The following OTULIN variants were observed in gnomAD, a reference collection of about 807,000 sequenced individuals.
OTULIN encodes OTU deubiquitinase with linear linkage specificity.
A neutral mutation model predicts 39.6 loss-of-function variants in OTULIN; 15 were observed. That is an observed-to-expected ratio of 0.38 (90% CI 0.25 to 0.58). OTULIN has a LOEUF of 0.58. Ranked by LOEUF, OTULIN falls within the 20% of genes least tolerant of loss-of-function variation. The pLI, the probability that OTULIN is intolerant of heterozygous loss-of-function variation, is 0.66. For synonymous variants in OTULIN, 156 were observed against 170.3 expected (o/e 0.92, Z 0.65); for missense variants, 319 against 445.9 (o/e 0.72, Z 2.56).
chr5:14,681,233 C>CT (rs35733488), intron 3 of OTULIN, among the ~76,000 whole-genome samples: 10,373 of 142,656 alleles, frequency 0.073, 389 homozygotes, highest in Admixed American at 0.097. Flanking sequence ...TTTTTCTTGC[C>CT]TTTTTTTTTT....
the OTULIN span, among the ~76,000 whole-genome samples, chr5:14,714,119 G>A: frequency 6.6e-6 from 1 of 152,260 alleles, no homozygotes; most frequent in Non-Finnish European, 1.5e-5. Flanking sequence ...TGGGGACCAA[G>A]CAGTGGGGTA....
rs1579981820 is a variant in OTULIN at position 14,696,101 on chromosome 5, C to T, written c.*3053C>T. The T allele has an allele frequency of 6.6e-6, 1 of 151,060 alleles. No homozygotes were observed. The highest frequency in any genetic ancestry group is 2.1e-4 in the South Asian group (1 of 4,800). 9.4% of individuals were successfully genotyped at this position (151,060 alleles called of 1,614,324 possible). A position where few individuals can be genotyped will look rare whatever the true frequency, so the allele number is the denominator to read the frequency against. The stretch of plus-strand genomic sequence containing the variant: ...AAAAGCCTTTGTGAGTTTTTATGTA[C>T]TTGGTCTTTGTTTTTGTTATTCATC... On this transcript the variant is annotated 3_prime_UTR_variant, in exon 7 of 7. Coordinates refer to ENST00000284274, the MANE Select transcript of OTULIN (RefSeq NM_138348.6).
the OTULIN span, chr5:14,713,676 A>C: frequency 1.9e-6 from 3 of 1,613,616 alleles, no homozygotes; most frequent in Non-Finnish European, 2.5e-6. The surrounding 1 kb of genome is among the most constrained non-coding windows in gnomAD (Gnocchi z 4.4). Flanking sequence ...GACTGTTGGG[A>C]GGAGCAAAGG....
chr5:14,707,289 G>A, the OTULIN span: 3 of 71,774 alleles, frequency 4.2e-5, no homozygotes, highest in African/African-American at 6.8e-5. Context: ...ACTTCAGTTT[G>A]AAGGGGGAAA....
At chr5:14,665,693 C>A (rs979705118) in intron 1 of OTULIN, among the ~76,000 whole-genome samples, 1 of 151,976 alleles carries the variant, frequency 6.6e-6, no homozygotes, top group Admixed American at 6.5e-5. Flanking sequence ...TGAAAGCACA[C>A]AGACAGCCAG....
chr5:14,678,611 C>G, intron 2 of OTULIN, 70 bp from the exon 3 acceptor site: 2 of 1,080,914 alleles, frequency 1.9e-6, no homozygotes, highest in Non-Finnish European at 2.6e-6. Flanking sequence ...GGGTAACCCC[C>G]AACTGAAGCA....
the OTULIN span, among the ~76,000 whole-genome samples, chr5:14,712,231 G>A: frequency 2.6e-5 from 4 of 152,344 alleles, no homozygotes; most frequent in African/African-American, 7.2e-5. Flanking sequence ...CCGTGAGCAG[G>A]CTCTCTGAGT....
chr5:14,678,003 G>A (rs1294960207), intron 2 of OTULIN, among the ~76,000 whole-genome samples: 4 of 152,200 alleles, frequency 2.6e-5, no homozygotes, highest in African/African-American at 9.7e-5. Context: ...CAAAGTCCCT[G>A]CCCTCAAGGA....
Position 14,690,425 on chromosome 5 carries a change from G to C in OTULIN, c.864+117G>C. The C allele has an allele frequency of 8.0e-7, 1 of 1,245,686 alleles. No individual in the cohort carries two copies. Among genetic ancestry groups the C allele is most frequent in the Non-Finnish European group, 1.1e-6 (1 of 902,894 alleles). 77.2% of individuals were successfully genotyped at this position (1,245,686 alleles called of 1,614,324 possible). A position where few individuals can be genotyped will look rare whatever the true frequency, so the allele number is the denominator to read the frequency against. On this transcript the variant is annotated intron_variant, in intron 6 of 6. Transcript: ENST00000284274. The surrounding 1 kb of genome is among the most constrained non-coding windows in gnomAD (Gnocchi z 4.5). ...GGGACAGCTTAGTTGGATGGTTCTG[G>C]CTCAGGATGTCATGAGGCTGCAGTT...
At chr5:14,668,099 G>T (rs1735895372) in intron 1 of OTULIN, among the ~76,000 whole-genome samples, 1 of 152,218 alleles carries the variant, frequency 6.6e-6, no homozygotes, top group Admixed American at 6.5e-5. Flanking sequence ...GCAATTTTAT[G>T]TATGTTTCTG....
chr5:14,683,017 C>A (rs1013932759), intron 4 of OTULIN, among the ~76,000 whole-genome samples: 1 of 152,200 alleles, frequency 6.6e-6, no homozygotes, highest in Non-Finnish European at 1.5e-5. Context: ...AGAGATCACA[C>A]GCTCAGAAGG....
At chr5:14,688,424 A>G (rs1233767866) in intron 5 of OTULIN, among the ~76,000 whole-genome samples, 1 of 152,080 alleles carries the variant, frequency 6.6e-6, no homozygotes, top group Non-Finnish European at 1.5e-5. Context: ...TTCTGTACTC[A>G]CACATGGTCT....
intron 3 of OTULIN, among the ~76,000 whole-genome samples, chr5:14,681,034 TG>T: frequency 6.6e-6 from 1 of 152,192 alleles, no homozygotes; most frequent in East Asian, 1.9e-4. Flanking sequence ...CACTCCAGCC[TG>T]GGCAACGAGA....
chr5:14,687,822 A>AGT, intron 5 of OTULIN, 176 bp downstream of exon 5: 1 of 640,896 alleles, frequency 1.6e-6, no homozygotes, highest in Non-Finnish European at 2.5e-6. Flanking sequence ...TAAAATGGGA[A>AGT]GTACCAACAT....
intron 5 of OTULIN, 135 bp downstream of exon 5, chr5:14,687,781 T>C: frequency 8.7e-7 from 1 of 1,143,628 alleles, no homozygotes; most frequent in Non-Finnish European, 1.2e-6. Context: ...TGGTTTTAAA[T>C]GAATTCAAAC....
chr5:14,686,287 C>A (rs1339798030), intron 4 of OTULIN, among the ~76,000 whole-genome samples: 2 of 152,042 alleles, frequency 1.3e-5, no homozygotes, highest in African/African-American at 4.8e-5. Context: ...TTATTCATTT[C>A]TTTCTTACTA....
rs1053180212 is a variant in OTULIN at position 14,699,055 on chromosome 5, A to G, written c.*6007A>G. On this transcript the variant is annotated 3_prime_UTR_variant, in exon 7 of 7. Transcript: ENST00000284274. ...CACTTATTAGGGGAAGATCCTCCAG[A>G]CCTGCAAAGCAGGGCTGCAGCCCCA... 2.0e-5 allele frequency: 3 copies of G among 152,072 alleles called. No individual in the cohort carries two copies. The highest frequency in any genetic ancestry group is 4.4e-5 in the Non-Finnish European group (3 of 68,026). 9.4% of individuals were successfully genotyped at this position (152,072 alleles called of 1,614,324 possible). A position where few individuals can be genotyped will look rare whatever the true frequency, so the allele number is the denominator to read the frequency against.
In OTULIN at chr5:14,698,305, C is replaced by G. The variant is rs1017548585; in HGVS notation, c.*5257C>G. 6.6e-6 allele frequency: 1 copy of G among 152,230 alleles called. No homozygotes were observed. The highest frequency in any genetic ancestry group is 2.4e-5 in the African/African-American group (1 of 41,450). 9.4% of individuals were successfully genotyped at this position (152,230 alleles called of 1,614,324 possible). A position where few individuals can be genotyped will look rare whatever the true frequency, so the allele number is the denominator to read the frequency against. The stretch of plus-strand genomic sequence containing the variant: ...GTGAACCTGGCAGCGCTCATCTTGG[C>G]TTGTTTAGCAGTGCCTCTGTTTACA... On this transcript the variant is annotated 3_prime_UTR_variant, in exon 7 of 7. Transcript: ENST00000284274.
chr5:14,671,096 G>C (rs933644538), intron 1 of OTULIN, among the ~76,000 whole-genome samples: 2 of 152,046 alleles, frequency 1.3e-5, no homozygotes, highest in African/African-American at 4.8e-5. Context: ...TAGTTCTCCT[G>C]TTTGTTCTGC....
Sources: gnomAD v4.1 joint callset for allele counts (sites outside exome capture counted in the v4.1 genomes callset) on GRCh38, gnomAD v4.1.1 for gene constraint, Gnocchi (gnomAD v3.1) non-coding constraint, MANE v1.5 for transcripts, NCBI Gene and HGNC (gene_info 2026-07-23, HGNC 2026-07-21) for gene names.